Variants in SOX6 observed in about 807,000 individuals in gnomAD.
SOX6 encodes SRY-box transcription factor 6.
Under a neutral mutation model 97.8 loss-of-function variants are expected in SOX6, and 11 were observed. That is an observed-to-expected ratio of 0.11 (90% confidence interval 0.07 to 0.19). SOX6 has a LOEUF of 0.19. Among genes scored for constraint, SOX6 ranks in the 10% least tolerant of loss-of-function variants. The probability of loss-of-function intolerance (pLI) is 1.00; values close to 1 mark genes in which losing one functional copy is unlikely to be tolerated. For synonymous variants in SOX6, 360 were observed against 371.4 expected (o/e 0.97, Z 0.35); for missense variants, 810 against 1,039.5 (o/e 0.78, Z 3.04).
At chr11:16,534,487 T>C (rs1478922435) in intron 4 of SOX6, among the ~76,000 whole-genome samples, 1 of 152,086 alleles carries the variant, frequency 6.6e-6, no homozygotes, top group Non-Finnish European at 1.5e-5. Flanking sequence ...TCTAAAACAA[T>C]GCAGTTTTAT....
At chr11:16,018,061 T>G (rs1854940362) in intron 12 of SOX6, among the ~76,000 whole-genome samples, 1 of 152,102 alleles carries the variant, frequency 6.6e-6, no homozygotes, top group South Asian at 2.1e-4. Context: ...TGTAGGACTG[T>G]TGGCTCTCTA....
At chr11:16,389,988 A>G (rs1303398058) in intron 1 of SOX6, among the ~76,000 whole-genome samples, 8 of 149,376 alleles carry the variant, frequency 5.4e-5, no homozygotes, top group Non-Finnish European at 1.2e-4. Context: ...AAAAAAAAAA[A>G]AAAAAAAAGA....
chr11:16,351,333 T>C (rs1033762703), intron 1 of SOX6, among the ~76,000 whole-genome samples: 2 of 152,148 alleles, frequency 1.3e-5, no homozygotes, highest in African/African-American at 4.8e-5. Flanking sequence ...CCATCAGCTA[T>C]TCTTTAATGT....
chr11:16,034,437 A>C (rs978844259), intron 12 of SOX6, among the ~76,000 whole-genome samples: 1 of 152,216 alleles, frequency 6.6e-6, no homozygotes, highest in Non-Finnish European at 1.5e-5. Context: ...TCTTAGTTGC[A>C]AATGTCAAAG....
intron 4 of SOX6, among the ~76,000 whole-genome samples, chr11:16,214,588 A>G (rs1852317341): frequency 6.6e-6 from 1 of 152,018 alleles, no homozygotes; most frequent in African/African-American, 2.4e-5. Context: ...CTATACTGTC[A>G]GTGTTGATTG....
At chr11:16,466,633 A>AT (rs1045390209) in intron 1 of SOX6, among the ~76,000 whole-genome samples, 67 of 151,778 alleles carry the variant, frequency 4.4e-4, no homozygotes, top group African/African-American at 6.7e-4. Context: ...CAAGAAAAAA[A>AT]AAAACAAACA....
intron 2 of SOX6, among the ~76,000 whole-genome samples, chr11:16,339,841 G>C (rs1036822000): frequency 3.3e-5 from 5 of 152,080 alleles, no homozygotes; most frequent in African/African-American, 1.2e-4. Context: ...CACCTTGGAG[G>C]TGTTAAAATG....
intron 4 of SOX6, among the ~76,000 whole-genome samples, chr11:16,539,315 A>T (rs2133175858): frequency 6.6e-6 from 1 of 152,322 alleles, no homozygotes; most frequent in South Asian, 2.1e-4. Flanking sequence ...GACACATTTA[A>T]TGCAGTGTGT....
At chr11:16,522,254 G>A (rs1241018493) in intron 4 of SOX6, among the ~76,000 whole-genome samples, 2 of 152,098 alleles carry the variant, frequency 1.3e-5, no homozygotes, top group Non-Finnish European at 2.9e-5. Flanking sequence ...CCCACAAAGG[G>A]AAGCCCATCA....
intron 4 of SOX6, among the ~76,000 whole-genome samples, chr11:16,566,608 G>A (rs968599774): frequency 4.6e-5 from 7 of 152,316 alleles, no homozygotes; most frequent in East Asian, 1.9e-4. Flanking sequence ...GCTCTTTACC[G>A]TCAAGAAATA....
intron 1 of SOX6, among the ~76,000 whole-genome samples, chr11:16,456,256 C>T (rs1859809457): frequency 6.6e-6 from 1 of 152,000 alleles, no homozygotes; most frequent in Non-Finnish European, 1.5e-5. Flanking sequence ...AGTGATTGGG[C>T]CAAGGTTTGT....
At chr11:16,036,751 A>G (rs902073538) in intron 12 of SOX6, among the ~76,000 whole-genome samples, 2 of 152,180 alleles carry the variant, frequency 1.3e-5, no homozygotes. Context: ...TTAGCTCAGA[A>G]AAATCCAGAT....
chr11:16,306,498 G>A (rs1855436712), intron 3 of SOX6, among the ~76,000 whole-genome samples: 1 of 151,996 alleles, frequency 6.6e-6, no homozygotes, highest in Non-Finnish European at 1.5e-5. Context: ...TTCTGGATAG[G>A]AGGGATAATG....
chr11:16,285,460 G>A (rs1854704867), intron 3 of SOX6, among the ~76,000 whole-genome samples: 1 of 152,136 alleles, frequency 6.6e-6, no homozygotes, highest in Non-Finnish European at 1.5e-5. Flanking sequence ...CTTGAACCCA[G>A]GAGGCGGAGG....
intron 3 of SOX6, among the ~76,000 whole-genome samples, chr11:16,258,014 A>G (rs893391209): frequency 1.3e-5 from 2 of 151,922 alleles, no homozygotes; most frequent in African/African-American, 4.8e-5. Flanking sequence ...AAAATGACAT[A>G]TCACTACATG....
chr11:16,049,244 T>C (rs1847620156), intron 11 of SOX6, among the ~76,000 whole-genome samples: 1 of 152,128 alleles, frequency 6.6e-6, no homozygotes, highest in Admixed American at 6.6e-5. Flanking sequence ...TGGCCATATA[T>C]GGGGGAGTAT....
intron 3 of SOX6, among the ~76,000 whole-genome samples, chr11:16,256,421 A>G (rs1853687320): frequency 1.3e-5 from 2 of 151,972 alleles, no homozygotes; most frequent in African/African-American, 4.8e-5. Context: ...TTAATGGAAT[A>G]CATCACACAT....
At chr11:16,228,004 T>G (rs1852733700) in intron 4 of SOX6, among the ~76,000 whole-genome samples, 1 of 151,930 alleles carries the variant, frequency 6.6e-6, no homozygotes, top group Non-Finnish European at 1.5e-5. Flanking sequence ...TCAAGTCCAG[T>G]CTCACCAACA....
chr11:16,497,592 C>T lies in SOX6; in HGVS notation n.610-21204G>A, dbSNP rs1240766213. Among the ~76,000 whole-genome samples the T allele has an allele frequency of 2.6e-5, 4 of 152,086 alleles. No homozygotes were observed. In the South Asian group the frequency reaches 6.2e-4, roughly 24 times the overall value. On this transcript the variant is annotated intron_variant and non_coding_transcript_variant, in intron 4 of 5. Coordinates refer to the SOX6 transcript ENST00000524520. Reference sequence around the variant, plus strand: ...GAAAAAAAATTAGATGAATGGCTAACTAGAATAACCAATGTACAGAAGTCC... The same window carrying T: ...GAAAAAAAATTAGATGAATGGCTAATTAGAATAACCAATGTACAGAAGTCC...
Sources: gnomAD v4.1 joint callset for allele counts (sites outside exome capture counted in the v4.1 genomes callset) on GRCh38, gnomAD v4.1.1 for gene constraint, MANE v1.5 for transcripts, NCBI Gene and HGNC (gene_info 2026-07-23, HGNC 2026-07-21) for gene names.